The following NUP153 variants were observed in gnomAD, a reference collection of about 807,000 sequenced individuals.
NUP153 encodes nucleoporin 153, also known as nuclear pore complex protein Nup153.
NUP153 carries 27 observed loss-of-function variants against 134.6 expected under a neutral mutation model. That is an observed-to-expected ratio of 0.20 (90% confidence interval 0.15 to 0.28). The LOEUF is 0.28. Among genes scored for constraint, NUP153 ranks in the 10% least tolerant of loss-of-function variants. The probability of loss-of-function intolerance (pLI) is 1.00; values close to 1 mark genes in which losing one functional copy is unlikely to be tolerated. For synonymous variants in NUP153, 640 were observed against 623.5 expected (o/e 1.03, Z -0.40); for missense variants, 1,821 against 1,731.3 (o/e 1.05, Z -0.92).
intron 2 of NUP153, among the ~76,000 whole-genome samples, chr6:17,679,790 C>T (rs1768467244): frequency 6.6e-6 from 1 of 152,158 alleles, no homozygotes; most frequent in Admixed American, 6.6e-5. Flanking sequence ...AAGAAAACAG[C>T]CATTCTTCGG....
chr6:17,676,190 C>T (rs1040688069), intron 2 of NUP153, among the ~76,000 whole-genome samples: 9 of 152,130 alleles, frequency 5.9e-5, no homozygotes, highest in Non-Finnish European at 1.2e-4. Context: ...AATCTTGACT[C>T]CCATCTGAAA....
chr6:17,671,079 C>T (rs761035719), intron 5 of NUP153, among the ~76,000 whole-genome samples: 1 of 152,092 alleles, frequency 6.6e-6, no homozygotes, highest in Non-Finnish European at 1.5e-5. Flanking sequence ...GCTGGGATTA[C>T]AGGCATGAGC....
chr6:17,629,469 G>A lies in NUP153; in HGVS notation c.2730C>T (p.Ser910=), dbSNP rs753633591. Residue 910 remains serine (S), a synonymous_variant, in exon 18 of 22, where the codon TCC becomes TCT. Transcript: ENST00000262077. ...SSSFKFGVSS[S]SSGPSQTLTS... is the part of the protein sequence containing the mutation. ...TTAAAGTCTGAGAAGGCCCAGAAGA[G>A]GATGATGAGACACCAAATTTGAAGG... 6.2e-7 allele frequency: 1 copy of A among 1,610,570 alleles called. No homozygotes were observed. The highest frequency in any genetic ancestry group is 1.1e-5 in the South Asian group (1 of 90,028).
At chr6:17,678,471 A>T (rs1768369016) in intron 2 of NUP153, among the ~76,000 whole-genome samples, 2 of 152,116 alleles carry the variant, frequency 1.3e-5, no homozygotes, top group Non-Finnish European at 2.9e-5. Context: ...ATTTTAGCAA[A>T]TGTCTATTTA....
rs1767465984 is a variant in NUP153 at position 17,665,343 on chromosome 6, T to C, written c.1111A>G (p.Lys371Glu). 1 of 1,613,500 alleles carries C rather than the reference T, an allele frequency of 6.2e-7. No homozygotes were observed. Among genetic ancestry groups the C allele is most frequent in the African/African-American group, 1.3e-5 (1 of 74,926 alleles). Reference protein sequence around the residue: ...YPPVQRLMTPKPVSIATNRSV... With the variant: ...YPPVQRLMTPEPVSIATNRSV... ...CGATTTGTTGCTATGGAAACTGGCT[T>C]TGGGGTCATAAGTCTCTGAACAGGA... is the stretch of plus-strand genomic sequence containing the variant. Residue 371 changes from lysine to glutamate, a missense_variant, in exon 9 of 22, where the codon AAG (lysine) becomes GAG (glutamate). Lys to Glu is a moderately conservative substitution (Grantham distance 56, BLOSUM62 1). Coordinates refer to ENST00000262077, the MANE Select transcript of NUP153 (RefSeq NM_005124.4).
intron 16 of NUP153, among the ~76,000 whole-genome samples, chr6:17,635,103 TC>T (rs200991815): frequency 0.038 from 4,295 of 113,868 alleles, 207 homozygotes; most frequent in East Asian, 0.24. Flanking sequence ...GCTTGGCTTA[TC>T]TTTTTTTTTT....
chr6:17,636,111 A>C (rs1378823979), intron 16 of NUP153, among the ~76,000 whole-genome samples: 1 of 152,222 alleles, frequency 6.6e-6, no homozygotes, highest in Non-Finnish European at 1.5e-5. Context: ...AGGCGGATAG[A>C]TCACTTGATG....
At chr6:17,646,900 T>C (rs1358174880) in intron 13 of NUP153, among the ~76,000 whole-genome samples, 17 of 148,054 alleles carry the variant, frequency 1.1e-4, no homozygotes, top group Admixed American at 1.1e-3. Flanking sequence ...CCACCATGCC[T>C]GGCTAATTCT....
At chr6:17,620,190 C>G (rs1471928791) in intron 20 of NUP153, among the ~76,000 whole-genome samples, 1 of 150,434 alleles carries the variant, frequency 6.6e-6, no homozygotes, top group Non-Finnish European at 1.5e-5. Flanking sequence ...TAAAGCAATC[C>G]TGAGCAAAAA....
In NUP153 at chr6:17,629,496, T is replaced by C; in HGVS notation, c.2703A>G (p.Ser901=). 6.2e-6 allele frequency: 10 copies of C among 1,606,288 alleles called. No homozygotes were observed. The highest frequency in any genetic ancestry group is 8.5e-6 in the Non-Finnish European group (10 of 1,178,176). ...ATGATGAGACACCAAATTTGAAGGATGAGGAGGCTGCTGAGTTCGAAGATG... is the reference window on the plus strand; with the variant it reads ...ATGATGAGACACCAAATTTGAAGGACGAGGAGGCTGCTGAGTTCGAAGATG... ...SSSSSNSAAS[S]SFKFGVSSSS... is the part of the protein sequence containing the mutation. The change falls in exon 18 of 22, where the codon TCA becomes TCG. Residue 901 remains serine (S), a synonymous_variant. Coordinates refer to ENST00000262077, the MANE Select transcript of NUP153 (RefSeq NM_005124.4).
intron 20 of NUP153, among the ~76,000 whole-genome samples, chr6:17,617,465 T>TG (rs753926057): frequency 9.5e-6 from 1 of 105,778 alleles, no homozygotes; most frequent in Admixed American, 1.0e-4. Flanking sequence ...TAGTGGGAAT[T>TG]AAAAAAAAAA....
In NUP153 at chr6:17,688,602, A is replaced by G; in HGVS notation, c.128T>C (p.Val43Ala). 1 of 1,612,972 alleles carries G rather than the reference A, an allele frequency of 6.2e-7. No homozygotes were observed. Among genetic ancestry groups the G allele is most frequent in the Non-Finnish European group, 8.5e-7 (1 of 1,179,110 alleles). ...RQQHQGILSR[V>A]TESVKNIVPG... is the part of the protein sequence containing the mutation. ...CACAATATTCTTAACAGATTCTGTA[A>G]CCCTGCTAAGAATGCCCTGTTGAGA... Residue 43 changes from valine (V) to alanine (A), a missense_variant, in exon 2 of 22, where the codon GTT becomes GCT. Coordinates refer to ENST00000262077, the MANE Select transcript of NUP153 (RefSeq NM_005124.4).
chr6:17,680,498 T>C lies in NUP153; in HGVS notation c.335-4728A>G, dbSNP rs1309364180. 6.6e-6 allele frequency among the ~76,000 whole-genome samples: 1 copy of C among 152,116 alleles called. No homozygotes were observed. Among genetic ancestry groups the C allele is most frequent in the Non-Finnish European group, 1.5e-5 (1 of 68,030 alleles). On this transcript the variant is annotated intron_variant, in intron 2 of 21. Transcript: ENST00000262077. This position sits in a 1 kb window ranked among gnomAD's most constrained non-coding sequence, Gnocchi z 4.5. The stretch of plus-strand genomic sequence containing the variant: ...ATAACACCCAAAACTATAAAACTTA[T>C]AGAAGAAAACAGAATTTCAGGACAT...
chr6:17,628,699 G>T lies in NUP153; in HGVS notation c.3500C>A (p.Ala1167Glu), dbSNP rs997219472. The T allele has an allele frequency of 6.2e-7, 1 of 1,611,542 alleles. No homozygotes were observed. Among genetic ancestry groups the T allele is most frequent in the Non-Finnish European group, 8.5e-7 (1 of 1,178,546 alleles). ...KPSEKESEQP[A>E]KATFAFGAQT... ...AGCTCCAAAGGCAAAAGTGGCTTTT[G>T]CTGGCTGTTCAGATTCCTTCTCAGA... Residue 1167 changes from alanine to glutamate, a missense_variant, in exon 18 of 22, where the codon GCA (alanine) becomes GAA (glutamate). Ala to Glu is a moderately radical substitution (Grantham distance 107). Transcript: ENST00000262077. This position sits in a 1 kb window ranked among gnomAD's most constrained non-coding sequence, Gnocchi z 5.4.
intron 11 of NUP153, among the ~76,000 whole-genome samples, chr6:17,655,858 C>T (rs1403510892): frequency 6.6e-6 from 1 of 152,172 alleles, no homozygotes; most frequent in Non-Finnish European, 1.5e-5. Flanking sequence ...AGCAGCACTG[C>T]ATTCAAAACA....
At chr6:17,629,911 A>C (rs546982598) in intron 17 of NUP153, among the ~76,000 whole-genome samples, 2 of 152,350 alleles carry the variant, frequency 1.3e-5, no homozygotes, top group East Asian at 3.9e-4. Context: ...ACAAATGCAT[A>C]TACCCTTTGA....
At chr6:17,690,488 T>A (rs758707630) in intron 1 of NUP153, among the ~76,000 whole-genome samples, 1 of 152,140 alleles carries the variant, frequency 6.6e-6, no homozygotes, top group Non-Finnish European at 1.5e-5. Flanking sequence ...CTATTATTTA[T>A]AGTAATTATA....
In NUP153 at chr6:17,624,592, A is replaced by C. The variant is rs760494616; in HGVS notation, c.4143T>G (p.Ser1381=). Residue 1381 remains serine, a synonymous_variant, in exon 20 of 22, where the codon TCT becomes TCG. Coordinates refer to ENST00000262077, the MANE Select transcript of NUP153 (RefSeq NM_005124.4). ...TAGGAGTTGTTCCAGAGCCAAATGC[A>C]GACTGACTAGGTTGCTGTCCAAACA... ...PPVFGQQPSQ[S]AFGSGTTPNS... is the part of the protein sequence containing the mutation. The C allele has an allele frequency of 6.2e-7, 1 of 1,614,232 alleles. No homozygotes were observed. The highest frequency in any genetic ancestry group is 8.5e-7 in the Non-Finnish European group (1 of 1,180,038).
intron 2 of NUP153, among the ~76,000 whole-genome samples, chr6:17,685,033 T>C (rs62395980): frequency 0.048 from 7,243 of 152,328 alleles, 245 homozygotes; most frequent in Middle Eastern, 0.085. Flanking sequence ...GACAGACATG[T>C]TAGCGTGTGC....
Sources: allele counts gnomAD v4.1 joint callset (sites outside exome capture counted in the v4.1 genomes callset), GRCh38; gene constraint gnomAD v4.1.1; non-coding constraint Gnocchi (gnomAD v3.1); transcripts MANE v1.5; gene names NCBI Gene and HGNC (gene_info 2026-07-23, HGNC 2026-07-21).